Variants in HMGB1 observed in about 807,000 individuals in gnomAD.
HMGB1 encodes the protein high mobility group protein B1.
For missense variants in HMGB1, 79 were observed against 253.5 expected (o/e 0.31, Z 4.67); for synonymous variants, 81 against 84.0 (o/e 0.96, Z 0.19).
In HMGB1 at chr13:30,500,536, A is replaced by ATT. The variant is rs60691018; in HGVS notation, c.-14-36844_-14-36843dup. Among the ~76,000 whole-genome samples, 987 of 128,364 alleles carry ATT rather than the reference A, an allele frequency of 7.7e-3. 34 individuals carry two copies. The highest frequency in any genetic ancestry group is 0.029 in the African/African-American group (884 of 30,378). The allele number at this position is 128,364 out of a possible 152,430, so 84.2% of individuals were successfully genotyped here. A position where few individuals can be genotyped will look rare whatever the true frequency, so the allele number is the denominator to read the frequency against. On this transcript the variant is annotated intron_variant, in intron 1 of 4. Coordinates refer to the HMGB1 transcript ENST00000405805. ...ATGTGTGTGCTCCCTCACCTGGCTA[A>ATT]TTTTTTTTTTTTTTTTTTTTTTTGA...
chr13:30,606,115 T>C (rs1457546367), intron 1 of HMGB1, among the ~76,000 whole-genome samples: 1 of 152,244 alleles, frequency 6.6e-6, no homozygotes, highest in Non-Finnish European at 1.5e-5. Context: ...TTAATAATGA[T>C]GACTGTTTGA....
At chr13:30,578,925 T>C (rs1275187433) in intron 1 of HMGB1, among the ~76,000 whole-genome samples, 1 of 152,236 alleles carries the variant, frequency 6.6e-6, no homozygotes, top group Non-Finnish European at 1.5e-5. Flanking sequence ...CACTCCTTAA[T>C]GAAGCCTTTC....
intron 1 of HMGB1, among the ~76,000 whole-genome samples, chr13:30,494,193 C>T (rs1887560580): frequency 6.6e-6 from 1 of 152,148 alleles, no homozygotes; most frequent in Admixed American, 6.5e-5. Flanking sequence ...GGCTAATGGC[C>T]TCATCATCTA....
intron 1 of HMGB1, among the ~76,000 whole-genome samples, chr13:30,539,224 A>T (rs1367205700): frequency 2.0e-5 from 3 of 152,114 alleles, no homozygotes; most frequent in African/African-American, 7.2e-5. Context: ...CTGAAGATCA[A>T]TTCTCCCCCT....
intron 1 of HMGB1, among the ~76,000 whole-genome samples, chr13:30,571,297 T>C (rs74643532): frequency 6.6e-6 from 1 of 151,450 alleles, no homozygotes; most frequent in Admixed American, 6.6e-5. Context: ...AAATGGTTTT[T>C]TTTTTTTTTT....
At chr13:30,464,688 C>T in intron 1 of HMGB1, 6 of 962,994 alleles carry the variant, frequency 6.2e-6, no homozygotes, top group Non-Finnish European at 7.4e-6. Flanking sequence ...ACGGAATGGC[C>T]GCTGCGCGTC....
At chr13:30,564,341 T>TACTCGGGAGGCTG (rs1477207298) in intron 1 of HMGB1, among the ~76,000 whole-genome samples, 2 of 149,830 alleles carry the variant, frequency 1.3e-5, no homozygotes, top group South Asian at 2.1e-4. Flanking sequence ...CAGTCCCAGC[T>TACTCGGGAGGCTG]ACTCGGGAGG....
intron 1 of HMGB1, among the ~76,000 whole-genome samples, chr13:30,472,629 AC>A (rs1238918569): frequency 6.6e-6 from 1 of 152,062 alleles, no homozygotes; most frequent in African/African-American, 2.4e-5. Flanking sequence ...ACAGAAAACA[AC>A]AACAACAACA....
chr13:30,463,112 C>G, intron 3 of HMGB1, 95 bp downstream of exon 3: 1 of 1,211,986 alleles, frequency 8.3e-7, no homozygotes, highest in South Asian at 1.3e-5. Flanking sequence ...TTTGATTGTA[C>G]ATTTACACTC....
intron 1 of HMGB1, among the ~76,000 whole-genome samples, chr13:30,566,073 A>C (rs907153457): frequency 1.3e-5 from 2 of 152,168 alleles, no homozygotes; most frequent in Admixed American, 1.3e-4. Flanking sequence ...TCTGAGTACC[A>C]TGGAGCATCG....
intron 1 of HMGB1, chr13:30,465,212 A>C (rs1475246033): frequency 7.4e-6 from 4 of 543,196 alleles, no homozygotes; most frequent in East Asian, 1.9e-4. Context: ...CGCCGCCGCG[A>C]CCGGGCCGAG....
In HMGB1 at chr13:30,563,390, C is replaced by T. The variant is rs190925419; in HGVS notation, c.-15+53281G>A. Among the ~76,000 whole-genome samples the T allele has an allele frequency of 2.2e-3, 331 of 152,276 alleles. 1 individual carries two copies. Among genetic ancestry groups the T allele is most frequent in the African/African-American group, 6.8e-3 (283 of 41,564 alleles). On this transcript the variant is annotated intron_variant, in intron 1 of 4. Coordinates refer to the HMGB1 transcript ENST00000405805. ...TTGGGAGGCTGAGGCAGGAGGATCA[C>T]TTAACTCCAGGAGTTTGACAGCAGC...
chr13:30,516,924 T>C (rs764793568), intron 1 of HMGB1, among the ~76,000 whole-genome samples: 1 of 151,976 alleles, frequency 6.6e-6, no homozygotes, highest in Non-Finnish European at 1.5e-5. Flanking sequence ...CTCAAAATAA[T>C]AATAATAAGG....
intron 1 of HMGB1, among the ~76,000 whole-genome samples, chr13:30,503,455 TAATAA>T (rs10541209): frequency 0.38 from 57,376 of 151,362 alleles, 11,484 homozygotes; most frequent in Middle Eastern, 0.53. Flanking sequence ...TATGAATAAA[TAATAA>T]AATAAATCAT....
chr13:30,614,856 G>A (rs906940622), intron 1 of HMGB1, among the ~76,000 whole-genome samples: 2 of 150,944 alleles, frequency 1.3e-5, no homozygotes, highest in Non-Finnish European at 1.5e-5. Context: ...CTCCCACCGC[G>A]CCCGGTTAAT....
At position 30,519,593 on chromosome 13, in the gene HMGB1, G is replaced by A. The variant is rs565310029; in HGVS notation, c.-14-55899C>T. ...CGGGCGCCTGTAGTCCCAGCTACTT[G>A]GGAGGCTGAGGCAGGAGAATGGCGT... On this transcript the variant is annotated intron_variant, in intron 1 of 4. Transcript: ENST00000405805. Among the ~76,000 whole-genome samples, 1,161 of 151,374 alleles carry A rather than the reference G, an allele frequency of 7.7e-3. 11 individuals carry two copies. The highest frequency in any genetic ancestry group is 0.011 in the Non-Finnish European group (768 of 67,840).
chr13:30,531,228 G>C (rs911207225), intron 1 of HMGB1, among the ~76,000 whole-genome samples: 30 of 152,054 alleles, frequency 2.0e-4, no homozygotes, highest in African/African-American at 7.2e-4. Context: ...AGCTTAAATT[G>C]CTACTATAAT....
At chr13:30,481,614 C>T (rs1203532084) in intron 1 of HMGB1, among the ~76,000 whole-genome samples, 1 of 152,232 alleles carries the variant, frequency 6.6e-6, no homozygotes, top group East Asian at 1.9e-4. Flanking sequence ...TGAAGACTGG[C>T]TCCCCCGGTG....
chr13:30,555,415 T>C (rs1436789993), intron 1 of HMGB1, among the ~76,000 whole-genome samples: 1 of 152,218 alleles, frequency 6.6e-6, no homozygotes, highest in Non-Finnish European at 1.5e-5. Flanking sequence ...TAATTTGTGT[T>C]GTACTGCCAT....
Sources: allele counts gnomAD v4.1 joint callset (sites outside exome capture counted in the v4.1 genomes callset), GRCh38; gene constraint gnomAD v4.1.1; transcripts MANE v1.5; gene names NCBI Gene and HGNC (gene_info 2026-07-23, HGNC 2026-07-21).